RASGEF1B: variants seen among roughly 807,000 people sequenced by gnomAD.
RASGEF1B encodes RasGEF domain family member 1B.
In RASGEF1B, 30 loss-of-function variants were observed where a neutral mutation model predicts 65.7. That is an observed-to-expected ratio of 0.46 (90% CI 0.34 to 0.62). The LOEUF is 0.62. Among genes scored for constraint, RASGEF1B ranks in the 20% least tolerant of loss-of-function variants. The pLI is 0.01. For missense variants in RASGEF1B, 495 were observed against 580.1 expected (o/e 0.85, Z 1.51); for synonymous variants, 175 against 194.8 (o/e 0.90, Z 0.85).
At position 81,442,811 on chromosome 4, in the gene RASGEF1B, A is replaced by G. The variant is rs529590289; in HGVS notation, c.929-435T>C. 2.6e-5 allele frequency among the ~76,000 whole-genome samples: 4 copies of G among 152,362 alleles called. No individual in the cohort carries two copies. In the East Asian group the frequency reaches 5.8e-4, roughly 22 times the overall value. On this transcript the variant is annotated intron_variant, in intron 8 of 13. Coordinates refer to ENST00000264400, the MANE Select transcript of RASGEF1B (RefSeq NM_152545.3). ...ACAGTCACATGTTAGAAATGTTAGT[A>G]TTATTATTTTCATTTTTTTCAATCA...
At chr4:81,446,057 G>A (rs1294216096) in intron 6 of RASGEF1B, among the ~76,000 whole-genome samples, 1 of 152,202 alleles carries the variant, frequency 6.6e-6, no homozygotes, top group Non-Finnish European at 1.5e-5. Flanking sequence ...TTGAGGCCTA[G>A]AAATGTACTC....
rs1221257364 is a variant in RASGEF1B at position 81,426,418 on chromosome 4, T to C, written c.*1350A>G. 1 of 152,148 alleles carries C rather than the reference T, an allele frequency of 6.6e-6. No homozygotes were observed. Among genetic ancestry groups the C allele is most frequent in the Non-Finnish European group, 1.5e-5 (1 of 68,044 alleles). 9.4% of individuals were successfully genotyped at this position (152,148 alleles called of 1,614,324 possible). On this transcript the variant is annotated 3_prime_UTR_variant, in exon 14 of 14. Transcript: ENST00000264400. Reference sequence around the variant, plus strand: ...TCCTGGCCGCAGAGTGTAAAATATATTGATGGCTGTAAAGGGACAACTTGG... The same window carrying C: ...TCCTGGCCGCAGAGTGTAAAATATACTGATGGCTGTAAAGGGACAACTTGG...
intron 10 of RASGEF1B, among the ~76,000 whole-genome samples, chr4:81,440,130 C>A (rs962026043): frequency 2.0e-5 from 3 of 152,116 alleles, no homozygotes; most frequent in Non-Finnish European, 4.4e-5. Flanking sequence ...CTTCATTAAC[C>A]CAGTTACCAT....
chr4:81,434,239 G>T (rs1386184416), intron 11 of RASGEF1B, among the ~76,000 whole-genome samples: 1 of 152,040 alleles, frequency 6.6e-6, no homozygotes, highest in East Asian at 1.9e-4. Context: ...TTTTTGCAGA[G>T]ACAGGGTCTC....
chr4:81,427,718 C>T lies in RASGEF1B; in HGVS notation c.*50G>A, dbSNP rs761632206. 1 of 1,611,606 alleles carries T rather than the reference C, an allele frequency of 6.2e-7. No individual in the cohort carries two copies. The highest frequency in any genetic ancestry group is 1.3e-5 in the African/African-American group (1 of 74,990). ...TGCCAGAAAACAAAGGCCAGCCCCTCCATGATCTGCAGGAAGCAGCAGCAG... is the reference window on the plus strand; with the variant it reads ...TGCCAGAAAACAAAGGCCAGCCCCTTCATGATCTGCAGGAAGCAGCAGCAG... On this transcript the variant is annotated 3_prime_UTR_variant, in exon 14 of 14. Transcript: ENST00000264400.
At chr4:81,456,466 T>A in intron 4 of RASGEF1B, 185 bp downstream of exon 4, 1 of 724,122 alleles carries the variant, frequency 1.4e-6, no homozygotes, top group Middle Eastern at 2.3e-4. Context: ...TCATATCCCT[T>A]TGAAGTGGGA....
intron 3 of RASGEF1B, 98 bp downstream of exon 3, chr4:81,457,401 G>T: frequency 8.4e-7 from 1 of 1,194,732 alleles, no homozygotes; most frequent in Non-Finnish European, 1.2e-6. Flanking sequence ...ATGCACTTCA[G>T]CCTGGGGATA....
chr4:81,466,768 A>AAAAAGAAAG (rs1722830933), intron 1 of RASGEF1B, among the ~76,000 whole-genome samples: 1 of 136,102 alleles, frequency 7.3e-6, no homozygotes, highest in Non-Finnish European at 1.5e-5. Flanking sequence ...CAAAAAAAAA[A>AAAAAGAAAG]AAAAAGAAAG....
chr4:81,440,010 T>C (rs1401249105), intron 10 of RASGEF1B, among the ~76,000 whole-genome samples: 3 of 152,334 alleles, frequency 2.0e-5, no homozygotes, highest in Non-Finnish European at 4.4e-5. Context: ...GGGGACGTGA[T>C]TGGGAAGCCA....
chr4:81,466,736 G>A (rs1722823028), intron 1 of RASGEF1B, among the ~76,000 whole-genome samples: 1 of 114,268 alleles, frequency 8.8e-6, no homozygotes, highest in Non-Finnish European at 1.8e-5. Flanking sequence ...TCCAGCCTGG[G>A]CGACAGAGCA....
intron 1 of RASGEF1B, among the ~76,000 whole-genome samples, chr4:81,460,933 G>A (rs1267841863): frequency 1.3e-5 from 2 of 152,150 alleles, no homozygotes; most frequent in Non-Finnish European, 2.9e-5. Context: ...GTCACTACTA[G>A]GGTCACTGGC....
chr4:81,444,450 G>A (rs1038213615), intron 8 of RASGEF1B, among the ~76,000 whole-genome samples: 3 of 152,164 alleles, frequency 2.0e-5, no homozygotes, highest in African/African-American at 7.2e-5. Flanking sequence ...TGGTGGAAGG[G>A]AGAATTTATT....
In RASGEF1B at chr4:81,448,191, T is replaced by C; in HGVS notation, c.532A>G (p.Ser178Gly). Residue 178 changes from serine to glycine, a missense_variant, in exon 5 of 14, where the codon AGC becomes GGC. Coordinates refer to ENST00000264400, the MANE Select transcript of RASGEF1B (RefSeq NM_152545.3). Reference sequence around the variant, plus strand: ...GTGAGCCGATCTGTGGATGTGGAGCTGATTTTTGCCAGGACTTCTTCGTAC... The same window carrying C: ...GTGAGCCGATCTGTGGATGTGGAGCCGATTTTTGCCAGGACTTCTTCGTAC... The part of the protein sequence containing the change: ...SQYEEVLAKI[S>G]STSTDRLTVL... 3 of 1,614,122 alleles carry C rather than the reference T, an allele frequency of 1.9e-6. No homozygotes were observed. Among genetic ancestry groups the C allele is most frequent in the Non-Finnish European group, 2.5e-6 (3 of 1,180,028 alleles).
In RASGEF1B at chr4:81,444,888, T is replaced by A. The variant is rs535008347; in HGVS notation, c.928+638A>T. 1.3e-3 allele frequency among the ~76,000 whole-genome samples: 202 copies of A among 152,348 alleles called. 1 individual carries two copies. The Middle Eastern group carries it at 0.014, about 10-fold the overall frequency. On this transcript the variant is annotated intron_variant, in intron 8 of 13. Transcript: ENST00000264400. ...CCTACAAATTTATAAGATGGCCATA[T>A]AATTGATCATACAAACTAGGACACT... is the stretch of plus-strand genomic sequence containing the variant.
At chr4:81,448,351 A>G in intron 4 of RASGEF1B, 67 bp from the exon 5 acceptor site, 2 of 1,321,576 alleles carry the variant, frequency 1.5e-6, no homozygotes, top group Admixed American at 3.4e-5. Flanking sequence ...GCAAACTCAG[A>G]GACTGTGTCC....
chr4:81,427,399 C>G lies in RASGEF1B; in HGVS notation c.*369G>C, dbSNP rs1473189331. The G allele has an allele frequency of 4.7e-6, 1 of 211,842 alleles. No homozygotes were observed. Among genetic ancestry groups the G allele is most frequent in the Non-Finnish European group, 9.3e-6 (1 of 107,738 alleles). 13.1% of individuals were successfully genotyped at this position (211,842 alleles called of 1,614,324 possible). A position where few individuals can be genotyped will look rare whatever the true frequency, so the allele number is the denominator to read the frequency against. ...CACTCAGCTGGGCAAGTCCCATTAG[C>G]AGCAAATGTTCAACCAAATTAAAAA... On this transcript the variant is annotated 3_prime_UTR_variant, in exon 14 of 14. Transcript: ENST00000264400.
intron 1 of RASGEF1B, among the ~76,000 whole-genome samples, chr4:81,468,973 C>A (rs897978059): frequency 2.6e-5 from 4 of 152,158 alleles, no homozygotes; most frequent in Non-Finnish European, 5.9e-5. Context: ...ATTTCCAAGG[C>A]AGAAATATGC....
In RASGEF1B at chr4:81,471,897, TTGTTTATAC is replaced by T. The variant is rs1723046278; in HGVS notation, c.-143_-135del. 1 of 152,642 alleles carries T rather than the reference TTGTTTATAC, an allele frequency of 6.6e-6. No individual in the cohort carries two copies. The highest frequency in any genetic ancestry group is 1.5e-5 in the Non-Finnish European group (1 of 68,052). 9.5% of individuals were successfully genotyped at this position (152,642 alleles called of 1,614,324 possible). A position where few individuals can be genotyped will look rare whatever the true frequency, so the allele number is the denominator to read the frequency against. The stretch of plus-strand genomic sequence containing the variant: ...AAATCTGTCTAACCAGTCGGGTTCC[TTGTTTATAC>T]TGAAACTACGGCAGCCGCCGCCGCG... On this transcript the variant is annotated 5_prime_UTR_variant, in exon 1 of 14. Transcript: ENST00000264400.
intron 1 of RASGEF1B, among the ~76,000 whole-genome samples, chr4:81,461,207 C>T (rs28715619): frequency 0.086 from 13,120 of 152,220 alleles, 1,928 homozygotes; most frequent in African/African-American, 0.3. Context: ...CCATCCTTGG[C>T]GGCAAGAATA....
Sources: gnomAD v4.1 joint callset for allele counts (sites outside exome capture counted in the v4.1 genomes callset) on GRCh38, gnomAD v4.1.1 for gene constraint, MANE v1.5 for transcripts, NCBI Gene and HGNC (gene_info 2026-07-23, HGNC 2026-07-21) for gene names.